The following ARHGAP15 variants were observed in gnomAD, a reference collection of about 807,000 sequenced individuals.
ARHGAP15 encodes rho GTPase-activating protein 15.
A neutral mutation model predicts 63.7 loss-of-function variants in ARHGAP15; 51 were observed. The ratio of observed to expected loss-of-function variants is 0.80; its 90% CI spans 0.64 to 1.01. ARHGAP15 has a LOEUF of 1.01. Among genes scored for constraint, ARHGAP15 ranks in the 50% least tolerant of loss-of-function variants. The pLI is 0.00. For synonymous variants in ARHGAP15, 191 were observed against 193.8 expected, an observed-to-expected ratio of 0.99 and a Z score of 0.12; for missense variants, 560 against 564.6, an observed-to-expected ratio of 0.99 and a Z score of 0.08.
At chr2:143,323,508 T>C (rs1480074815) in intron 6 of ARHGAP15, among the ~76,000 whole-genome samples, 1 of 152,162 alleles carries the variant, frequency 6.6e-6, no homozygotes, top group Non-Finnish European at 1.5e-5. Flanking sequence ...ATGAAACGTC[T>C]GAAAGTGTGA....
chr2:143,742,872 G>A (rs1008099241), intron 13 of ARHGAP15, among the ~76,000 whole-genome samples: 2 of 152,156 alleles, frequency 1.3e-5, no homozygotes, highest in Non-Finnish European at 1.5e-5. Context: ...CCATAACCAC[G>A]ACTGCTCATA....
intron 12 of ARHGAP15, among the ~76,000 whole-genome samples, chr2:143,699,167 A>G (rs909260108): frequency 1.3e-5 from 2 of 152,080 alleles, no homozygotes; most frequent in African/African-American, 4.8e-5. Context: ...ATCCAATTGT[A>G]TTTTTAGATG....
chr2:143,584,341 A>G (rs752872021), intron 11 of ARHGAP15, among the ~76,000 whole-genome samples: 1 of 152,150 alleles, frequency 6.6e-6, no homozygotes, highest in Non-Finnish European at 1.5e-5. Flanking sequence ...AAATCCGACA[A>G]TAGGCCATGT....
At chr2:143,721,645 T>C (rs370390146) in intron 13 of ARHGAP15, among the ~76,000 whole-genome samples, 5 of 151,930 alleles carry the variant, frequency 3.3e-5, no homozygotes, top group African/African-American at 9.6e-5. Flanking sequence ...TTCAAATGTT[T>C]GCAAAATAAA....
At chr2:143,481,789 T>C (rs1391397079) in intron 8 of ARHGAP15, among the ~76,000 whole-genome samples, 1 of 152,348 alleles carries the variant, frequency 6.6e-6, no homozygotes, top group Middle Eastern at 3.4e-3. Flanking sequence ...TATTCTCATA[T>C]GTAATACTAT....
Position 143,767,791 on chromosome 2 carries a change from G to T in ARHGAP15, c.1245-198G>T, listed in dbSNP as rs555094045. ...TGCTCAGCTATTATGGGGGTAAAAAGTTGGACAAGGCAATGTATCCTTTCC... is the reference window on the plus strand; with the variant it reads ...TGCTCAGCTATTATGGGGGTAAAAATTTGGACAAGGCAATGTATCCTTTCC... On this transcript the variant is annotated intron_variant, in intron 13 of 13. Coordinates refer to ENST00000295095, the MANE Select transcript of ARHGAP15 (RefSeq NM_018460.4). Among the ~76,000 whole-genome samples, 165 of 152,234 alleles carry T rather than the reference G, an allele frequency of 1.1e-3. 1 individual carries two copies. The highest frequency in any genetic ancestry group is 3.8e-3 in the African/African-American group (158 of 41,556).
At chr2:143,298,147 TTTGTTCC>T (rs1186496052) in intron 6 of ARHGAP15, among the ~76,000 whole-genome samples, 2 of 152,002 alleles carry the variant, frequency 1.3e-5, no homozygotes, top group African/African-American at 4.8e-5. Context: ...CTAGAGTTGA[TTTGTTCC>T]CTATCACTTC....
At chr2:143,388,998 G>A (rs1687422340) in intron 6 of ARHGAP15, among the ~76,000 whole-genome samples, 1 of 151,602 alleles carries the variant, frequency 6.6e-6, no homozygotes, top group South Asian at 2.1e-4. Context: ...AGTGTAGGTA[G>A]TCCCTAAAAA....
intron 12 of ARHGAP15, among the ~76,000 whole-genome samples, chr2:143,639,471 A>AATTT (rs1559096150): frequency 6.6e-6 from 1 of 152,132 alleles, no homozygotes; most frequent in Admixed American, 6.5e-5. Context: ...AGGATATGTA[A>AATTT]ATTTATTTGT....
At chr2:143,526,297 A>G (rs1694279229) in intron 10 of ARHGAP15, among the ~76,000 whole-genome samples, 1 of 152,110 alleles carries the variant, frequency 6.6e-6, no homozygotes, top group Non-Finnish European at 1.5e-5. Flanking sequence ...CTCTGGTCAA[A>G]TCAGTCAGCG....
chr2:143,471,879 T>A, intron 8 of ARHGAP15: 1 of 152,182 alleles, frequency 6.6e-6, no homozygotes. Context: ...CTAATCTATC[T>A]GAAAAGTGAC....
chr2:143,422,968 G>GTGA (rs1301254626), intron 6 of ARHGAP15, among the ~76,000 whole-genome samples: 11 of 152,134 alleles, frequency 7.2e-5, no homozygotes, highest in Non-Finnish European at 1.5e-4. Context: ...ATCACGTCAA[G>GTGA]TCACTTTGGG....
At chr2:143,249,643 T>A (rs1558841057) in intron 5 of ARHGAP15, among the ~76,000 whole-genome samples, 1 of 152,096 alleles carries the variant, frequency 6.6e-6, no homozygotes, top group African/African-American at 2.4e-5. Flanking sequence ...GTAAACTTTT[T>A]AAAAAATAAT....
At chr2:143,145,848 G>A (rs1443796197) in intron 1 of ARHGAP15, among the ~76,000 whole-genome samples, 3 of 144,072 alleles carry the variant, frequency 2.1e-5, no homozygotes, top group South Asian at 2.3e-4. Context: ...GGGTGTGTGT[G>A]TGTGTGTGTG....
At chr2:143,660,187 T>C (rs1681682818) in intron 12 of ARHGAP15, among the ~76,000 whole-genome samples, 1 of 152,232 alleles carries the variant, frequency 6.6e-6, no homozygotes, top group African/African-American at 2.4e-5. Context: ...ACCTATTACT[T>C]AAAGTGTACC....
chr2:143,266,061 T>A (rs1680976060), intron 6 of ARHGAP15, among the ~76,000 whole-genome samples: 1 of 152,072 alleles, frequency 6.6e-6, no homozygotes, highest in Admixed American at 6.6e-5. Flanking sequence ...TTTTCGAAAC[T>A]GTGTGTTCAG....
intron 6 of ARHGAP15, among the ~76,000 whole-genome samples, chr2:143,369,485 A>G (rs184819845): frequency 1.3e-5 from 2 of 152,068 alleles, no homozygotes; most frequent in African/African-American, 4.8e-5. Context: ...ATAGCATATA[A>G]TTTTTTTAAT....
chr2:143,705,936 A>C (rs982091243), intron 13 of ARHGAP15, among the ~76,000 whole-genome samples: 26 of 152,174 alleles, frequency 1.7e-4, no homozygotes, highest in African/African-American at 6.0e-4. Context: ...TTAATTTCCT[A>C]ATCTTGTCAG....
intron 2 of ARHGAP15, among the ~76,000 whole-genome samples, chr2:143,158,260 CTT>C (rs1045927373): frequency 1.8e-4 from 28 of 151,982 alleles, no homozygotes; most frequent in African/African-American, 5.8e-4. Context: ...TAATATGACT[CTT>C]AACTTAGAAC....
Sources: allele counts gnomAD v4.1 joint callset (sites outside exome capture counted in the v4.1 genomes callset), GRCh38; gene constraint gnomAD v4.1.1; transcripts MANE v1.5; gene names NCBI Gene and HGNC (gene_info 2026-07-23, HGNC 2026-07-21).